Variants in STAG2 observed in about 807,000 individuals in gnomAD.
STAG2 encodes STAG2 cohesin complex component, also known as cohesin subunit SA-2.
STAG2 carries 14 observed loss-of-function variants against 108.1 expected under a neutral mutation model. That is an observed-to-expected ratio of 0.13 (90% CI 0.09 to 0.20). The LOEUF (loss-of-function observed/expected upper bound fraction) is 0.20, where lower values mean the gene tolerates loss of function less well. Among genes scored for constraint, STAG2 ranks in the 10% least tolerant of loss-of-function variants. The pLI is 1.00. For synonymous variants in STAG2, 307 were observed against 302.7 expected, an observed-to-expected ratio of 1.01 and a Z score of -0.15; for missense variants, 440 against 940.9, an observed-to-expected ratio of 0.47 and a Z score of 6.96.
At chrX:124,048,203 G>A (rs761426016) in intron 9 of STAG2, among the ~76,000 whole-genome samples, 19 of 111,532 alleles carry the variant, frequency 1.7e-4, no homozygotes, top group Non-Finnish European at 3.4e-4. Flanking sequence ...TTTTTTTGGG[G>A]AGGGGAATTA....
At chrX:123,990,192 C>T (rs2055386054) in intron 1 of STAG2, among the ~76,000 whole-genome samples, 1 of 111,871 alleles carries the variant, frequency 8.9e-6, no homozygotes, top group Non-Finnish European at 1.9e-5. Flanking sequence ...TCCAAATACC[C>T]TCTAGAGGTT....
At chrX:124,034,754 C>T (rs1005890934) in intron 5 of STAG2, among the ~76,000 whole-genome samples, 1 of 111,298 alleles carries the variant, frequency 9.0e-6, no homozygotes, top group African/African-American at 3.3e-5. Flanking sequence ...CATTATATAG[C>T]ACTTATACTG....
At chrX:124,081,893 G>A (rs2058971008) in intron 28 of STAG2, among the ~76,000 whole-genome samples, 1 of 111,466 alleles carries the variant, frequency 9.0e-6, no homozygotes, top group Non-Finnish European at 1.9e-5. Flanking sequence ...CAGCAACTCA[G>A]GTATGAGAAT....
At chrX:123,975,770 G>C (rs1240914999) in intron 1 of STAG2, among the ~76,000 whole-genome samples, 1 of 112,131 alleles carries the variant, frequency 8.9e-6, no homozygotes, top group East Asian at 2.8e-4. Context: ...TGCGGAATAT[G>C]TACTTTTTGA....
rs2058513476 is a variant in STAG2 at position 124,066,000 on chromosome X, AT to A, written c.2096+55del. 2.8e-6 allele frequency: 3 copies of A among 1,053,283 alleles called. No individual in the cohort carries two copies. In the South Asian group the frequency reaches 7.0e-5, roughly 25 times the overall value. The allele number at this position is 1,053,283 out of a possible 1,213,427, so 86.8% of individuals were successfully genotyped here. A position where few individuals can be genotyped will look rare whatever the true frequency, so the allele number is the denominator to read the frequency against. ...CTTAAATCTGTAGAAATAAACTTGC[AT>A]GTTTTGTGGGTTATGTTAATTTCTA... On this transcript the variant is annotated intron_variant, in intron 21 of 34. Coordinates refer to ENST00000371145, the MANE Select transcript of STAG2 (RefSeq NM_001042750.2).
At chrX:124,051,699 T>C (rs761675771) in intron 13 of STAG2, among the ~76,000 whole-genome samples, 1 of 110,168 alleles carries the variant, frequency 9.1e-6, no homozygotes, top group Non-Finnish European at 1.9e-5. Context: ...CACGCCATTC[T>C]CCTGCCTCAG....
intron 32 of STAG2, 85 bp downstream of exon 32, chrX:124,091,049 CA>C: frequency 1.3e-6 from 1 of 741,388 alleles, no homozygotes; most frequent in Non-Finnish European, 2.0e-6. Context: ...CTAAAAATTT[CA>C]GCAAACTCTC....
Position 124,090,638 on chromosome X carries a change from T to G in STAG2, c.3341T>G (p.Val1114Gly). 8.3e-7 allele frequency: 1 copy of G among 1,211,240 alleles called. No individual in the cohort carries two copies. The highest frequency in any genetic ancestry group is 1.1e-6 in the Non-Finnish European group (1 of 895,044). The change falls in exon 31 of 35, where the codon GTT becomes GGT. Residue 1114 changes from valine to glycine, a missense_variant. This residue lies in a region of STAG2 where 337 missense variants were observed against 649.3 expected (regional missense o/e 0.52). Coordinates refer to ENST00000371145, the MANE Select transcript of STAG2 (RefSeq NM_001042750.2). ...LSREQTLHTP[V>G]MMQTPQLTST... ...AGAGAACAAACACTGCACACCCCTG[T>G]TATGATGCAGACACCACAACTCACC... is the stretch of plus-strand genomic sequence containing the variant.
chrX:124,031,541 T>C (rs1216974050), intron 5 of STAG2, among the ~76,000 whole-genome samples: 1 of 86,143 alleles, frequency 1.2e-5, no homozygotes, highest in Non-Finnish European at 2.5e-5. Context: ...TTTTGTTTGT[T>C]TGTTTGTTTG....
intron 1 of STAG2, among the ~76,000 whole-genome samples, chrX:123,991,856 GT>G (rs1344530375): frequency 4.5e-5 from 5 of 110,059 alleles, no homozygotes; most frequent in Admixed American, 9.6e-5. Context: ...TAGAGACGGG[GT>G]TTTTCCCTGT....
chrX:124,076,971 A>G (rs2058817239), intron 26 of STAG2, among the ~76,000 whole-genome samples: 1 of 110,922 alleles, frequency 9.0e-6, no homozygotes, highest in Non-Finnish European at 1.9e-5. Context: ...TAATTTTCAT[A>G]ACTATATGTG....
chrX:123,998,463 G>A (rs2055859035), intron 1 of STAG2, among the ~76,000 whole-genome samples: 2 of 105,411 alleles, frequency 1.9e-5, no homozygotes, highest in Non-Finnish European at 3.9e-5. Context: ...GAGCCACCAC[G>A]CCCTGCCGTG....
intron 21 of STAG2, 112 bp downstream of exon 21, chrX:124,066,058 T>C (rs1157432137): frequency 2.1e-6 from 2 of 934,157 alleles, no homozygotes; most frequent in East Asian, 6.8e-5. Flanking sequence ...GTGGGGGCAT[T>C]TTAAAGTTTA....
chrX:124,053,518 A>G (rs2058102935), intron 13 of STAG2, among the ~76,000 whole-genome samples: 1 of 111,337 alleles, frequency 9.0e-6, no homozygotes, highest in Non-Finnish European at 1.9e-5. Context: ...ATCATGTAAG[A>G]GTTGCCAGAA....
rs1303910832 is a variant in STAG2, at chrX:124,061,847, T to C, written c.1611T>C (p.Pro537=). Residue 537 remains proline (P), a synonymous_variant, in exon 17 of 35, where the codon CCT becomes CCC. Coordinates refer to ENST00000371145, the MANE Select transcript of STAG2 (RefSeq NM_001042750.2). ...TTAGACAAGCGGCTGAATGTCATCC[T>C]CCCGTGGGAAGAGGGACAGGAAAAA... ...CTIRQAAECH[P]PVGRGTGKRV... 2 of 1,160,072 alleles carry C rather than the reference T, an allele frequency of 1.7e-6. No individual in the cohort carries two copies. Among genetic ancestry groups the C allele is most frequent in the Non-Finnish European group, 2.3e-6 (2 of 864,753 alleles).
rs139878672 is a variant in STAG2, at chrX:124,085,676, G to A, written c.3054-871G>A. Among the ~76,000 whole-genome samples, 649 of 106,399 alleles carry A rather than the reference G, an allele frequency of 6.1e-3. 8 individuals are homozygous for A. The highest frequency in any genetic ancestry group is 0.021 in the African/African-American group (616 of 29,028). The allele number at this position is 106,399 out of a possible 115,157, so 92.4% of individuals were successfully genotyped here. ...TGTAATCCCAGCTACTCAGGAGGCC[G>A]AGGCAGGAGAATCGCTTGAACCTGG... On this transcript the variant is annotated intron_variant, in intron 29 of 34. Transcript: ENST00000371145.
intron 1 of STAG2, among the ~76,000 whole-genome samples, chrX:123,969,978 TTA>T (rs1228435716): frequency 6.5e-4 from 67 of 103,061 alleles, no homozygotes; most frequent in African/African-American, 2.3e-3. Context: ...TTTTTTTTTT[TTA>T]ATTGTAACTG....
chrX:124,035,240 A>G (rs1244570169), intron 5 of STAG2, among the ~76,000 whole-genome samples: 1 of 111,605 alleles, frequency 9.0e-6, no homozygotes, highest in Admixed American at 9.6e-5. Flanking sequence ...TATATAACAG[A>G]TGTTGAATTT....
chrX:124,040,308 T>C (rs2148138440), intron 6 of STAG2, among the ~76,000 whole-genome samples: 1 of 111,234 alleles, frequency 9.0e-6, no homozygotes, highest in East Asian at 2.8e-4. Flanking sequence ...GTGGCCAGTG[T>C]TTTCTTCTTT....
Sources: allele counts gnomAD v4.1 joint callset (sites outside exome capture counted in the v4.1 genomes callset), GRCh38; gene constraint gnomAD v4.1.1; regional missense constraint gnomAD v4.1.1; transcripts MANE v1.5; gene names NCBI Gene and HGNC (gene_info 2026-07-23, HGNC 2026-07-21).